The following GABRB3 variants were observed in gnomAD, a reference collection of about 807,000 sequenced individuals.
GABRB3 encodes the protein gamma-aminobutyric acid receptor subunit beta-3.
Under a neutral mutation model 52.1 loss-of-function variants are expected in GABRB3, and 14 were observed. The observed-to-expected ratio is 0.27, with a 90% CI of 0.18 to 0.42. GABRB3 has a LOEUF of 0.42. GABRB3 is among the 10% of genes least tolerant of loss of function. The probability of loss-of-function intolerance (pLI) is 1.00; values close to 1 mark genes in which losing one functional copy is unlikely to be tolerated. For synonymous variants in GABRB3, 260 were observed against 232.3 expected (o/e 1.12, Z -1.08); for missense variants, 307 against 609.1 (o/e 0.50, Z 5.22).
intron 3 of GABRB3, among the ~76,000 whole-genome samples, chr15:26,721,510 T>C (rs1248568670): frequency 1.3e-5 from 2 of 151,956 alleles, no homozygotes; most frequent in East Asian, 3.9e-4. Context: ...ACAGTTAACC[T>C]GAATTCAAAG....
At chr15:26,769,453 A>G (rs1891086381) in intron 3 of GABRB3, among the ~76,000 whole-genome samples, 1 of 152,106 alleles carries the variant, frequency 6.6e-6, no homozygotes, top group African/African-American at 2.4e-5. Flanking sequence ...TAAAACCTTT[A>G]CCATTTATAG....
rs559178792 is a variant in GABRB3 at position 26,706,653 on chromosome 15, C to A, written c.240+65749G>T. Among the ~76,000 whole-genome samples the A allele has an allele frequency of 1.7e-4, 26 of 152,098 alleles. No individual in the cohort carries two copies. In the East Asian group the frequency reaches 5.0e-3, roughly 29 times the overall value. ...AAAAACGAGAAAATAGGGGTAAATGCATGAATAGAGTAAAAAGGACCTCAA... is the reference window on the plus strand; with the variant it reads ...AAAAACGAGAAAATAGGGGTAAATGAATGAATAGAGTAAAAAGGACCTCAA... On this transcript the variant is annotated intron_variant, in intron 3 of 8. Coordinates refer to ENST00000311550, the MANE Select transcript of GABRB3 (RefSeq NM_000814.6).
chr15:26,634,645 T>C (rs374642906), intron 3 of GABRB3, among the ~76,000 whole-genome samples: 1 of 151,970 alleles, frequency 6.6e-6, no homozygotes, highest in African/African-American at 2.4e-5. Context: ...ATGGGTTAAA[T>C]AGAATAATAT....
At chr15:26,687,451 T>C (rs947743891) in intron 3 of GABRB3, among the ~76,000 whole-genome samples, 9 of 152,254 alleles carry the variant, frequency 5.9e-5, no homozygotes, top group African/African-American at 2.2e-4. Flanking sequence ...TAAATCAGCG[T>C]GACCTGACAC....
chr15:26,619,612 T>C (rs1480687135), intron 4 of GABRB3, among the ~76,000 whole-genome samples: 1 of 151,682 alleles, frequency 6.6e-6, no homozygotes, highest in Non-Finnish European at 1.5e-5. Context: ...GGCACATGTA[T>C]ACATATGTAA....
At chr15:26,598,539 A>G in intron 4 of GABRB3, among the ~76,000 whole-genome samples, 1 of 152,160 alleles carries the variant, frequency 6.6e-6, no homozygotes, top group East Asian at 1.9e-4. Context: ...TTGAAATCCA[A>G]ATTAGAAGAG....
intron 3 of GABRB3, among the ~76,000 whole-genome samples, chr15:26,636,825 A>G (rs1423411675): frequency 6.6e-6 from 1 of 152,074 alleles, no homozygotes; most frequent in Non-Finnish European, 1.5e-5. Context: ...TTCTTCATCA[A>G]TCTGTCTGAA....
chr15:26,676,851 T>C (rs1047368870), intron 3 of GABRB3, among the ~76,000 whole-genome samples: 1 of 152,192 alleles, frequency 6.6e-6, no homozygotes, highest in African/African-American at 2.4e-5. Flanking sequence ...TACCAGATAT[T>C]ATATATATTT....
chr15:26,629,514 G>T (rs1361702726), intron 3 of GABRB3, among the ~76,000 whole-genome samples: 1 of 152,180 alleles, frequency 6.6e-6, no homozygotes, highest in Non-Finnish European at 1.5e-5. Context: ...AGGAGGAGGA[G>T]GGGGTATTGG....
intron 3 of GABRB3, among the ~76,000 whole-genome samples, chr15:26,654,005 C>G (rs113745617): frequency 3.9e-5 from 6 of 152,234 alleles, no homozygotes; most frequent in African/African-American, 1.4e-4. Flanking sequence ...AACAATAAAT[C>G]CCAAATGCAA....
Position 26,569,877 on chromosome 15 carries a change from C to G in GABRB3, c.683-2144G>C, listed in dbSNP as rs150131651. The stretch of plus-strand genomic sequence containing the variant: ...TACTTTTTTAAAAATTGAATACTTC[C>G]TAAATGTTTGTTTGTTCTCTATATT... On this transcript the variant is annotated intron_variant, in intron 6 of 8. Transcript: ENST00000311550. Among the ~76,000 whole-genome samples, 147 of 152,284 alleles carry G rather than the reference C, an allele frequency of 9.7e-4. 1 individual carries two copies. Among genetic ancestry groups the G allele is most frequent in the African/African-American group, 3.3e-3 (136 of 41,564 alleles).
chr15:26,641,959 A>G (rs1431038668), intron 3 of GABRB3, among the ~76,000 whole-genome samples: 2 of 151,700 alleles, frequency 1.3e-5, no homozygotes, highest in Non-Finnish European at 2.9e-5. Context: ...ACTCGATCAT[A>G]GCTCACTGAA....
intron 3 of GABRB3, among the ~76,000 whole-genome samples, chr15:26,736,095 A>G (rs191787432): frequency 6.6e-6 from 1 of 152,330 alleles, no homozygotes; most frequent in Admixed American, 6.5e-5. Flanking sequence ...GTGCAGAGTT[A>G]CTATTTAATG....
chr15:26,714,719 C>T (rs1481022601), intron 3 of GABRB3, among the ~76,000 whole-genome samples: 2 of 152,128 alleles, frequency 1.3e-5, no homozygotes, highest in Non-Finnish European at 2.9e-5. Context: ...TGACTTTTTC[C>T]CTTTAGCTTA....
At chr15:26,629,277 T>C in intron 3 of GABRB3, 1 of 1,049,806 alleles carries the variant, frequency 9.5e-7, no homozygotes, top group South Asian at 1.7e-5. Context: ...GCGTGGTCTG[T>C]GGCTCGAGGG....
At chr15:26,584,815 C>CA (rs1173593910) in intron 4 of GABRB3, among the ~76,000 whole-genome samples, 1 of 152,160 alleles carries the variant, frequency 6.6e-6, no homozygotes, top group African/African-American at 2.4e-5. Flanking sequence ...CTTTCCCCAC[C>CA]ACTGTCAAAG....
At chr15:26,551,435 G>A (rs2140653653) in intron 8 of GABRB3, among the ~76,000 whole-genome samples, 1 of 152,308 alleles carries the variant, frequency 6.6e-6, no homozygotes, top group Non-Finnish European at 1.5e-5. Flanking sequence ...CATATCTTGA[G>A]GTTTTCCTTA....
At chr15:26,613,611 A>G (rs1215414768) in intron 4 of GABRB3, 2 of 151,708 alleles carry the variant, frequency 1.3e-5, no homozygotes, top group Non-Finnish European at 2.9e-5. Context: ...TTTTTTTTCC[A>G]TGAAGCACTA....
chr15:26,717,621 C>T (rs1412385174), intron 3 of GABRB3, among the ~76,000 whole-genome samples: 5 of 152,166 alleles, frequency 3.3e-5, no homozygotes, highest in South Asian at 4.1e-4. Flanking sequence ...CCCTTCAGAT[C>T]TGATAATTGG....
Sources: gnomAD v4.1 joint callset for allele counts (sites outside exome capture counted in the v4.1 genomes callset) on GRCh38, gnomAD v4.1.1 for gene constraint, MANE v1.5 for transcripts, NCBI Gene and HGNC (gene_info 2026-07-23, HGNC 2026-07-21) for gene names.